CLUL1: variants seen among roughly 807,000 people sequenced by gnomAD.
CLUL1 encodes clusterin like 1.
A neutral mutation model predicts 49.4 loss-of-function variants in CLUL1; 43 were observed. The ratio of observed to expected loss-of-function variants is 0.87; its 90% CI spans 0.68 to 1.12. CLUL1 has a LOEUF of 1.12. Among genes scored for constraint, CLUL1 ranks in the 50% most tolerant of loss-of-function variants. The pLI, the probability that CLUL1 is intolerant of heterozygous loss-of-function variation, is 0.00. For missense variants in CLUL1, 486 were observed against 544.4 expected (o/e 0.89, Z 1.07); for synonymous variants, 192 against 184.9 (o/e 1.04, Z -0.31).
chr18:620,814 G>C (rs1014206177), intron 4 of CLUL1, among the ~76,000 whole-genome samples: 1 of 152,134 alleles, frequency 6.6e-6, no homozygotes, highest in Admixed American at 6.5e-5. Flanking sequence ...ACATTGAATA[G>C]CTTGCAGTTT....
chr18:600,871 T>C (rs2072808165), intron 1 of CLUL1, among the ~76,000 whole-genome samples: 1 of 152,096 alleles, frequency 6.6e-6, no homozygotes, highest in Non-Finnish European at 1.5e-5. Context: ...GAAATAAAAA[T>C]CTACATTTTA....
chr18:613,867 C>G (rs113189382), intron 2 of CLUL1, among the ~76,000 whole-genome samples: 4 of 152,314 alleles, frequency 2.6e-5, no homozygotes, highest in African/African-American at 9.6e-5. Flanking sequence ...TCAGCAATCT[C>G]TAAGCAAGAT....
chr18:647,823 A>T (rs531553139), intron 9 of CLUL1, among the ~76,000 whole-genome samples: 1 of 152,212 alleles, frequency 6.6e-6, no homozygotes, highest in South Asian at 2.1e-4. Flanking sequence ...CCATAACACC[A>T]TGTAGCACTC....
rs371465118 is a variant in CLUL1, at chr18:644,906, G to C, written c.1210-4G>C. The C allele has an allele frequency of 3.7e-6, 6 of 1,602,308 alleles. No homozygotes were observed. The highest frequency in any genetic ancestry group is 5.1e-6 in the Non-Finnish European group (6 of 1,171,740). On this transcript the variant is annotated splice_polypyrimidine_tract_variant and splice_region_variant and intron_variant, in intron 8 of 9. Transcript: ENST00000692774. ...ACTTCTACTGTATAATCCTTCTTCT[G>C]TAGGTAGTTCCAAGGATTCATGAAG...
chr18:639,494 G>A (rs1326152252), intron 7 of CLUL1, among the ~76,000 whole-genome samples: 2 of 150,400 alleles, frequency 1.3e-5, no homozygotes, highest in East Asian at 2.0e-4. Flanking sequence ...GGCTGGGTGC[G>A]GTGGCTCATG....
chr18:611,007 C>T (rs909293828), intron 2 of CLUL1, among the ~76,000 whole-genome samples: 1 of 152,174 alleles, frequency 6.6e-6, no homozygotes, highest in Non-Finnish European at 1.5e-5. Flanking sequence ...TCCTGTCCTA[C>T]GTCTTGGCTG....
Position 627,547 on chromosome 18 carries a change from A to G in CLUL1, c.856+18A>G. On this transcript the variant is annotated intron_variant, in intron 6 of 9. Coordinates refer to ENST00000692774, the MANE Select transcript of CLUL1 (RefSeq NM_001393344.1). ...AGACAAAGGCAAGTATTAAAAGATTACTTTTACTTAGAGGTTTACACTAAA... is the reference window on the plus strand; with the variant it reads ...AGACAAAGGCAAGTATTAAAAGATTGCTTTTACTTAGAGGTTTACACTAAA... 6.5e-7 allele frequency: 1 copy of G among 1,549,856 alleles called. No homozygotes were observed. The highest frequency in any genetic ancestry group is 8.8e-7 in the Non-Finnish European group (1 of 1,139,142).
intron 1 of CLUL1, among the ~76,000 whole-genome samples, chr18:599,392 A>C (rs1309426703): frequency 4.6e-5 from 7 of 152,214 alleles, no homozygotes; most frequent in Admixed American, 3.3e-4. Flanking sequence ...AAAGGATTAA[A>C]TGAGGCACTA....
At chr18:625,771 C>T (rs1034666341) in intron 5 of CLUL1, among the ~76,000 whole-genome samples, 1 of 152,248 alleles carries the variant, frequency 6.6e-6, no homozygotes, top group Non-Finnish European at 1.5e-5. Context: ...TTTCACGCTC[C>T]ATATTAGAGC....
At chr18:640,558 A>C (rs1294173158) in intron 7 of CLUL1, among the ~76,000 whole-genome samples, 1 of 151,980 alleles carries the variant, frequency 6.6e-6, no homozygotes, top group Non-Finnish European at 1.5e-5. Flanking sequence ...CTTTTCACTC[A>C]GTGTAGTTTG....
At chr18:614,428 C>T (rs1046598022) in intron 2 of CLUL1, 5 of 152,094 alleles carry the variant, frequency 3.3e-5, no homozygotes, top group Admixed American at 1.3e-4. Context: ...TTATATTCTA[C>T]GTGGATAATT....
At chr18:633,841 C>CGTGTAATCGGAATGAATCAGGGT (rs2074062904) in intron 7 of CLUL1, among the ~76,000 whole-genome samples, 3 of 32,086 alleles carry the variant, frequency 9.3e-5, no homozygotes, top group South Asian at 1.2e-3. Context: ...TGAATCAGGG[C>CGTGTAATCGGAATGAATCAGGGT]GGAGCGTGTA....
In CLUL1 at chr18:606,588, C is replaced by T. The variant is rs1006574289; in HGVS notation, c.-135-390C>T. Among the ~76,000 whole-genome samples, 10 of 152,182 alleles carry T rather than the reference C, an allele frequency of 6.6e-5. No individual in the cohort carries two copies. The highest frequency in any genetic ancestry group is 2.4e-4 in the African/African-American group (10 of 41,448). On this transcript the variant is annotated intron_variant, in intron 1 of 9. Transcript: ENST00000692774. The surrounding 1 kb of genome is among the most constrained non-coding windows in gnomAD (Gnocchi z 4.1). ...CAGGAGAAGCCAAAACATCAGTCAG[C>T]TTCCCAGTAATCAAGCCTGGCTTTC... is the stretch of plus-strand genomic sequence containing the variant.
intron 9 of CLUL1, among the ~76,000 whole-genome samples, chr18:646,753 TTTC>T (rs2074520092): frequency 6.6e-6 from 1 of 151,444 alleles, no homozygotes; most frequent in Admixed American, 6.6e-5. Flanking sequence ...TTTTTCTTTC[TTTC>T]TTTTTTTTTT....
chr18:607,835 T>C (rs1328703758), intron 2 of CLUL1, among the ~76,000 whole-genome samples: 1 of 152,192 alleles, frequency 6.6e-6, no homozygotes, highest in Non-Finnish European at 1.5e-5. Flanking sequence ...GTAGCTGGGA[T>C]GACATTACAG....
At chr18:646,805 AG>A (rs1214971206) in intron 9 of CLUL1, among the ~76,000 whole-genome samples, 2 of 150,086 alleles carry the variant, frequency 1.3e-5, no homozygotes, top group African/African-American at 2.5e-5. Context: ...ACTGGAGTAC[AG>A]TGGCACGATC....
At chr18:624,482 C>G (rs188526226) in intron 4 of CLUL1, among the ~76,000 whole-genome samples, 35 of 152,150 alleles carry the variant, frequency 2.3e-4, no homozygotes, top group African/African-American at 8.0e-4. Flanking sequence ...GCCCACTTTC[C>G]CCATGCACCA....
intron 8 of CLUL1, among the ~76,000 whole-genome samples, chr18:643,324 G>T (rs115110214): frequency 0.018 from 2,687 of 152,276 alleles, 81 homozygotes; most frequent in African/African-American, 0.061. Context: ...CAGTCAAAGG[G>T]TTTTGAAAGC....
At chr18:639,209 G>A (rs2074255303) in intron 7 of CLUL1, among the ~76,000 whole-genome samples, 1 of 146,630 alleles carries the variant, frequency 6.8e-6, no homozygotes, top group Non-Finnish European at 1.5e-5. Context: ...GGCGGATCAC[G>A]AGGTCAGGAG....
Sources: allele counts gnomAD v4.1 joint callset (sites outside exome capture counted in the v4.1 genomes callset), GRCh38; gene constraint gnomAD v4.1.1; non-coding constraint Gnocchi (gnomAD v3.1); transcripts MANE v1.5; gene names NCBI Gene and HGNC (gene_info 2026-07-23, HGNC 2026-07-21).